The following KCNIP4 variants were observed in gnomAD, a reference collection of about 807,000 sequenced individuals.
KCNIP4 encodes Kv channel-interacting protein 4.
In KCNIP4, 12 loss-of-function variants were observed where a neutral mutation model predicts 34.0. The observed-to-expected ratio is 0.35, with a 90% CI of 0.23 to 0.57. The LOEUF (loss-of-function observed/expected upper bound fraction) is 0.57, where lower values mean the gene tolerates loss of function less well. Among genes scored for constraint, KCNIP4 ranks in the 20% least tolerant of loss-of-function variants. The pLI is 0.83. For missense variants in KCNIP4, 238 were observed against 311.7 expected (o/e 0.76, Z 1.78); for synonymous variants, 124 against 102.2 (o/e 1.21, Z -1.29).
chr4:21,717,265 C>T (rs1195000230), intron 1 of KCNIP4, among the ~76,000 whole-genome samples: 1 of 152,090 alleles, frequency 6.6e-6, no homozygotes, highest in Non-Finnish European at 1.5e-5. Flanking sequence ...TAATATCACC[C>T]TGGATAGAGA....
intron 8 of KCNIP4, chr4:20,731,647 G>A (rs2114474): frequency 0.49 from 485,617 of 982,354 alleles, 121,543 homozygotes; most frequent in African/African-American, 0.63. Context: ...TTCTAATGCT[G>A]TGGAGATATG....
chr4:21,314,365 T>C (rs936346672), intron 1 of KCNIP4, among the ~76,000 whole-genome samples: 5 of 152,184 alleles, frequency 3.3e-5, no homozygotes, highest in Admixed American at 2.0e-4. Flanking sequence ...AAAATTATGG[T>C]AGCAATATCC....
intron 1 of KCNIP4, among the ~76,000 whole-genome samples, chr4:21,583,226 G>A (rs1243081287): frequency 6.6e-6 from 1 of 151,988 alleles, no homozygotes; most frequent in African/African-American, 2.4e-5. Context: ...TGTACACAGA[G>A]TTGAGAGCCA....
intron 1 of KCNIP4, among the ~76,000 whole-genome samples, chr4:21,872,282 C>T (rs1306980691): frequency 2.6e-5 from 4 of 152,250 alleles, no homozygotes; most frequent in East Asian, 1.9e-4. Flanking sequence ...CCCTGAGAAA[C>T]GTGAACGCCT....
chr4:20,970,598 C>T (rs79966446), intron 1 of KCNIP4, among the ~76,000 whole-genome samples: 10,722 of 152,156 alleles, frequency 0.07, 1,225 homozygotes, highest in African/African-American at 0.24. Flanking sequence ...AAAGGTGCTA[C>T]TGGCATTTAA....
At chr4:21,227,370 A>G (rs1577919597) in intron 1 of KCNIP4, among the ~76,000 whole-genome samples, 1 of 152,330 alleles carries the variant, frequency 6.6e-6, no homozygotes, top group Middle Eastern at 3.4e-3. Context: ...CAGGAGCAAC[A>G]GTGCCAAAAG....
chr4:21,124,046 A>C (rs1473226483), intron 1 of KCNIP4, among the ~76,000 whole-genome samples: 3 of 147,818 alleles, frequency 2.0e-5, no homozygotes, highest in Non-Finnish European at 3.1e-5. Flanking sequence ...AAAACAACAA[A>C]AAAAAAACAA....
At chr4:21,447,146 C>G (rs1728092899) in intron 1 of KCNIP4, among the ~76,000 whole-genome samples, 1 of 152,156 alleles carries the variant, frequency 6.6e-6, no homozygotes, top group Admixed American at 6.5e-5. Context: ...ATATATGCAT[C>G]TACATCCATA....
At chr4:21,189,767 A>C (rs1035445307) in intron 1 of KCNIP4, among the ~76,000 whole-genome samples, 4 of 152,236 alleles carry the variant, frequency 2.6e-5, no homozygotes, top group African/African-American at 7.2e-5. Flanking sequence ...AATTACTCAG[A>C]TTTATAAAAT....
intron 1 of KCNIP4, among the ~76,000 whole-genome samples, chr4:21,654,896 CCTGGGTGACAGAGCGAGACT>C (rs1747800918): frequency 1.3e-5 from 2 of 151,872 alleles, no homozygotes; most frequent in Non-Finnish European, 2.9e-5. Context: ...TGCACTCCAG[CCTGGGTGACAGAGCGAGACT>C]CTGTCTCAAA....
Position 20,937,222 on chromosome 4 carries a change from C to CTTTTTTTTTTTTTTT in KCNIP4, c.62-54528_62-54514dup, listed in dbSNP as rs397992488. Among the ~76,000 whole-genome samples, 78 of 45,536 alleles carry CTTTTTTTTTTTTTTT rather than the reference C, an allele frequency of 1.7e-3. 5 individuals carry two copies. Among genetic ancestry groups the CTTTTTTTTTTTTTTT allele is most frequent in the Non-Finnish European group, 2.6e-3 (61 of 23,522 alleles). The allele number at this position is 45,536 out of a possible 152,430, so 29.9% of individuals were successfully genotyped here. ...TGAGCAAAAGGTGCCCCCAAGGAGT[C>CTTTTTTTTTTTTTTT]TTTTTTTTTTTTTTTTTTTTTTTTT... On this transcript the variant is annotated intron_variant, in intron 1 of 8. Coordinates refer to ENST00000382152, the MANE Select transcript of KCNIP4 (RefSeq NM_025221.6).
rs573281381 is a variant in KCNIP4, at chr4:21,641,285, A to G, written c.61+307286T>C. On this transcript the variant is annotated intron_variant, in intron 1 of 8. Coordinates refer to ENST00000382152, the MANE Select transcript of KCNIP4 (RefSeq NM_025221.6). ...GCCTCATGTGGAGTACTCCACTGTC[A>G]GTTGACAAACTTGGGTCTGGTTTAC... Among the ~76,000 whole-genome samples, 152 of 152,320 alleles carry G rather than the reference A, an allele frequency of 1.0e-3. 4 individuals are homozygous for G. The South Asian group carries it at 0.025, about 25-fold the overall frequency.
At chr4:21,068,715 T>C (rs1744630615) in intron 1 of KCNIP4, among the ~76,000 whole-genome samples, 1 of 152,240 alleles carries the variant, frequency 6.6e-6, no homozygotes, top group South Asian at 2.1e-4. Context: ...TCAACTTTTA[T>C]CATGTCACCC....
At chr4:20,951,242 G>A (rs1036162837) in intron 1 of KCNIP4, among the ~76,000 whole-genome samples, 1 of 152,026 alleles carries the variant, frequency 6.6e-6, no homozygotes, top group Non-Finnish European at 1.5e-5. Context: ...CAACCATGCT[G>A]GTACCCCCTG....
At chr4:21,651,665 C>A (rs552238429) in intron 1 of KCNIP4, among the ~76,000 whole-genome samples, 5 of 152,226 alleles carry the variant, frequency 3.3e-5, no homozygotes, top group Non-Finnish European at 5.9e-5. Flanking sequence ...CTAATGAATT[C>A]TTTTACAAGA....
intron 1 of KCNIP4, among the ~76,000 whole-genome samples, chr4:21,861,972 C>G (rs574522917): frequency 1.3e-5 from 2 of 152,280 alleles, no homozygotes; most frequent in South Asian, 4.1e-4. Context: ...CACCCTCCTC[C>G]AAGCCTCCTT....
chr4:21,635,528 A>G (rs1327691871), intron 1 of KCNIP4, among the ~76,000 whole-genome samples: 1 of 152,166 alleles, frequency 6.6e-6, no homozygotes, highest in Non-Finnish European at 1.5e-5. Context: ...GCCAAAAAAC[A>G]CATGAAAAAA....
chr4:21,450,245 T>C (rs1439918660), intron 1 of KCNIP4, among the ~76,000 whole-genome samples: 1 of 152,138 alleles, frequency 6.6e-6, no homozygotes, highest in African/African-American at 2.4e-5. Context: ...TCTATAGAGT[T>C]CTCAAACTTA....
rs1364204953 is a variant in KCNIP4 at position 20,729,805 on chromosome 4, C to CAATAAAACT, written c.*268_*276dup. ...CTCAATAATCCCATGGCTAAGGAACCAATAAAACTATATGCCAGATTCTAT... is the reference window on the plus strand; with the variant it reads ...CTCAATAATCCCATGGCTAAGGAACCAATAAAACTAATAAAACTATATGCCAGATTCTAT... On this transcript the variant is annotated 3_prime_UTR_variant, in exon 9 of 9. Transcript: ENST00000382152. 1.9e-5 allele frequency: 6 copies of CAATAAAACT among 319,054 alleles called. No individual in the cohort carries two copies. The allele number at this position is 319,054 out of a possible 1,614,324, so 19.8% of individuals were successfully genotyped here.
Sources: allele counts gnomAD v4.1 joint callset (sites outside exome capture counted in the v4.1 genomes callset), GRCh38; gene constraint gnomAD v4.1.1; transcripts MANE v1.5; gene names NCBI Gene and HGNC (gene_info 2026-07-23, HGNC 2026-07-21).